Variants in ATXN2 observed in about 807,000 individuals in gnomAD.
ATXN2 encodes the protein ataxin-2.
A neutral mutation model predicts 138.6 loss-of-function variants in ATXN2; 37 were observed. The ratio of observed to expected loss-of-function variants is 0.27; its 90% CI spans 0.21 to 0.35. ATXN2 has a LOEUF of 0.35. Among genes scored for constraint, ATXN2 ranks in the 10% least tolerant of loss-of-function variants. The pLI, the probability that ATXN2 is intolerant of heterozygous loss-of-function variation, is 1.00. For synonymous variants in ATXN2, 549 were observed against 543.7 expected (o/e 1.01, Z -0.13); for missense variants, 1,216 against 1,480.3 (o/e 0.82, Z 2.93).
In ATXN2 at chr12:111,558,588, C is replaced by T. The variant is rs112486090; in HGVS notation, c.252-2669G>A. On this transcript the variant is annotated intron_variant, in intron 1 of 24. Transcript: ENST00000673436. ...TGAGGCAGGAGGATCACTTGAGTGC[C>T]GGAGTTTGAGATCAGTCTGGGCAAC... Among the ~76,000 whole-genome samples the T allele has an allele frequency of 1.7e-4, 26 of 152,028 alleles. No homozygotes were observed. The South Asian group carries it at 2.9e-3, about 17-fold the overall frequency.
In ATXN2 at chr12:111,509,930, T is replaced by C. The variant is rs1027807495; in HGVS notation, c.1825A>G (p.Asn609Asp). 1.2e-6 allele frequency: 2 copies of C among 1,613,346 alleles called. No homozygotes were observed. The highest frequency in any genetic ancestry group is 1.7e-6 in the Non-Finnish European group (2 of 1,179,648). The change falls in exon 13 of 25, where the codon AAT becomes GAT. Residue 609 changes from asparagine to aspartate, a missense_variant. By Grantham distance (23) the Asn-to-Asp change is conservative. This residue lies in a region of ATXN2 where 215 missense variants were observed against 210.0 expected (regional missense o/e 1.02). Coordinates refer to ENST00000673436, the MANE Select transcript of ATXN2 (RefSeq NM_001372574.1). Reference sequence around the variant, plus strand: ...TTTGAGAAGCTAGGTGATGTTTCATTGGGTTTAATATTTTCTTTATTCCCT... The same window carrying C: ...TTTGAGAAGCTAGGTGATGTTTCATCGGGTTTAATATTTTCTTTATTCCCT... ...PAGNKENIKP[N>D]ETSPSFSKAE...
chr12:111,528,557 T>C (rs1288540184), intron 5 of ATXN2, among the ~76,000 whole-genome samples: 1 of 152,208 alleles, frequency 6.6e-6, no homozygotes, highest in Non-Finnish European at 1.5e-5. Context: ...ATCTTCTGTT[T>C]ACAATACCAA....
intron 14 of ATXN2, among the ~76,000 whole-genome samples, chr12:111,506,933 C>T (rs994372863): frequency 6.6e-6 from 1 of 151,956 alleles, no homozygotes; most frequent in African/African-American, 2.4e-5. Flanking sequence ...CCCGAGGTGC[C>T]GGGATTGCAG....
intron 3 of ATXN2, 62 bp from the exon 4 acceptor site, chr12:111,553,039 G>A (rs1314112467): frequency 3.5e-6 from 4 of 1,149,480 alleles, no homozygotes; most frequent in Non-Finnish European, 4.8e-6. Flanking sequence ...AGGGATATTT[G>A]TTTTCATTTT....
intron 18 of ATXN2, among the ~76,000 whole-genome samples, chr12:111,482,511 A>T (rs561788860): frequency 6.6e-6 from 1 of 152,162 alleles, no homozygotes; most frequent in East Asian, 1.9e-4. Flanking sequence ...TATCATTTCT[A>T]TTAAAAAGAC....
chr12:111,553,562 T>C (rs1459329565), intron 3 of ATXN2, among the ~76,000 whole-genome samples: 2 of 114,524 alleles, frequency 1.7e-5, no homozygotes, highest in Non-Finnish European at 3.4e-5. Flanking sequence ...CAACCATGCC[T>C]CTTTTTTCTC....
chr12:111,504,323 C>T (rs992041323), intron 14 of ATXN2, among the ~76,000 whole-genome samples: 2 of 152,150 alleles, frequency 1.3e-5, no homozygotes, highest in Admixed American at 1.3e-4. Flanking sequence ...GATGGAGTCT[C>T]ACTCTGTCGC....
At chr12:111,484,742 T>G (rs1042940851) in intron 18 of ATXN2, among the ~76,000 whole-genome samples, 2 of 152,068 alleles carry the variant, frequency 1.3e-5, no homozygotes, top group East Asian at 1.9e-4. Context: ...AGCCAGTATT[T>G]ATGTTTGAGA....
At chr12:111,481,719 G>A (rs776127372) in intron 18 of ATXN2, among the ~76,000 whole-genome samples, 2 of 151,982 alleles carry the variant, frequency 1.3e-5, no homozygotes, top group Non-Finnish European at 2.9e-5. Flanking sequence ...GCAGTGGTGT[G>A]ATCTCAGCTC....
At chr12:111,497,215 C>T (rs1374487667) in intron 14 of ATXN2, among the ~76,000 whole-genome samples, 6 of 152,174 alleles carry the variant, frequency 3.9e-5, no homozygotes, top group South Asian at 4.1e-4. Context: ...TAACAAGTAA[C>T]GAGATCAAAG....
chr12:111,523,580 G>C (rs1880309293), intron 6 of ATXN2, among the ~76,000 whole-genome samples: 1 of 151,912 alleles, frequency 6.6e-6, no homozygotes, highest in Admixed American at 6.6e-5. Flanking sequence ...ACAAAAATTA[G>C]CTGGGTGTGG....
chr12:111,453,778 G>A lies in ATXN2; in HGVS notation c.3338C>T (p.Thr1113Ile). The change falls in exon 24 of 25, where the codon ACA becomes ATA. Residue 1113 changes from threonine to isoleucine, a missense_variant. By Grantham distance (89) the Thr-to-Ile change is moderately conservative (BLOSUM62 -1). Around this residue, in one of 4 missense-constraint regions of ATXN2, gnomAD observed 490 missense variants for 653.5 expected, o/e 0.75. Coordinates refer to ENST00000673436, the MANE Select transcript of ATXN2 (RefSeq NM_001372574.1). This position sits in a 1 kb window ranked among gnomAD's most constrained non-coding sequence, Gnocchi z 5.4. ...GGCCTGGGGACCGCCGGGTGGCTGTGTCGTCATTAGCATCATTGGCGCATG... is the reference window on the plus strand; with the variant it reads ...GGCCTGGGGACCGCCGGGTGGCTGTATCGTCATTAGCATCATTGGCGCATG... ...TAHAPMMLMT[T>I]QPPGGPQAAL... 1 of 1,614,182 alleles carries A rather than the reference G, an allele frequency of 6.2e-7. No homozygotes were observed.
At chr12:111,500,649 C>T (rs1310033801) in intron 14 of ATXN2, among the ~76,000 whole-genome samples, 2 of 152,130 alleles carry the variant, frequency 1.3e-5, no homozygotes, top group African/African-American at 2.4e-5. Context: ...CTGTGGCAGC[C>T]GGATCACAAG....
At chr12:111,508,399 T>C (rs924752571) in intron 14 of ATXN2, among the ~76,000 whole-genome samples, 2 of 151,726 alleles carry the variant, frequency 1.3e-5, no homozygotes, top group Non-Finnish European at 2.9e-5. Context: ...ATATTCTTTG[T>C]ATCATTTGTA....
chr12:111,578,656 CAT>C, intron 1 of ATXN2, among the ~76,000 whole-genome samples: 1 of 152,092 alleles, frequency 6.6e-6, no homozygotes, highest in Admixed American at 6.6e-5. Flanking sequence ...AATGCATAAA[CAT>C]AGTTTCTCAT....
chr12:111,469,936 T>C, intron 20 of ATXN2, 172 bp downstream of exon 20: 1 of 689,570 alleles, frequency 1.5e-6, no homozygotes, highest in South Asian at 2.8e-5. Context: ...TAGAAACTAT[T>C]TGCCAAAAGT....
chr12:111,472,219 A>C (rs1228157871), intron 18 of ATXN2, among the ~76,000 whole-genome samples: 1 of 152,202 alleles, frequency 6.6e-6, no homozygotes, highest in Non-Finnish European at 1.5e-5. Context: ...GTAAGCCGTA[A>C]CTGCACCACT....
chr12:111,528,530 C>T (rs1465895818), intron 5 of ATXN2, among the ~76,000 whole-genome samples: 1 of 152,100 alleles, frequency 6.6e-6, no homozygotes, highest in Non-Finnish European at 1.5e-5. Flanking sequence ...TTTCTCAATG[C>T]TACATTTTAA....
intron 14 of ATXN2, among the ~76,000 whole-genome samples, chr12:111,496,018 A>G (rs1386618866): frequency 5.9e-5 from 9 of 151,282 alleles, no homozygotes. Flanking sequence ...GCCATATGTG[A>G]CGGCATGTGC....
Sources: allele counts gnomAD v4.1 joint callset (sites outside exome capture counted in the v4.1 genomes callset), GRCh38; gene constraint gnomAD v4.1.1; regional missense constraint gnomAD v4.1.1; non-coding constraint Gnocchi (gnomAD v3.1); transcripts MANE v1.5; gene names NCBI Gene and HGNC (gene_info 2026-07-23, HGNC 2026-07-21).